PRKCA: variants seen among roughly 807,000 people sequenced by gnomAD.
PRKCA encodes the protein protein kinase C alpha type.
A neutral mutation model predicts 87.0 loss-of-function variants in PRKCA; 27 were observed. The observed-to-expected ratio is 0.31, with a 90% CI of 0.23 to 0.43. The LOEUF (loss-of-function observed/expected upper bound fraction) is 0.43, where lower values mean the gene tolerates loss of function less well. PRKCA is among the 20% of genes least tolerant of loss of function. The pLI is 1.00. For synonymous variants in PRKCA, 329 were observed against 311.1 expected (o/e 1.06, Z -0.61); for missense variants, 518 against 852.3 (o/e 0.61, Z 4.88).
intron 8 of PRKCA, among the ~76,000 whole-genome samples, chr17:66,726,615 G>A (rs1006307747): frequency 2.6e-5 from 4 of 152,134 alleles, no homozygotes; most frequent in African/African-American, 9.7e-5. Context: ...GGAGGGAGTG[G>A]TGGGAAATAA....
At chr17:66,763,368 A>G (rs553472240) in intron 13 of PRKCA, among the ~76,000 whole-genome samples, 14 of 152,336 alleles carry the variant, frequency 9.2e-5, no homozygotes, top group African/African-American at 3.4e-4. Flanking sequence ...TGGGTCCCAC[A>G]GTAGCAAGTG....
At chr17:66,633,637 T>G (rs1215194601) in intron 3 of PRKCA, among the ~76,000 whole-genome samples, 2 of 152,164 alleles carry the variant, frequency 1.3e-5, no homozygotes, top group Non-Finnish European at 2.9e-5. Flanking sequence ...CAATGACAGA[T>G]AGTTTGGTCC....
At position 66,337,888 on chromosome 17, in the gene PRKCA, C is replaced by T. The variant is rs183907777; in HGVS notation, c.205+31761C>T. ...AAAGCTTTAGACCATAAACTAATCA[C>T]TTTGTGGCTTTCTATAAGTCAAAAA... On this transcript the variant is annotated intron_variant, in intron 2 of 16. Transcript: ENST00000413366. Among the ~76,000 whole-genome samples the T allele has an allele frequency of 4.8e-3, 731 of 152,134 alleles. 2 individuals carry two copies. The highest frequency in any genetic ancestry group is 7.6e-3 in the Non-Finnish European group (520 of 68,014).
Position 66,747,837 on chromosome 17 carries a change from G to A in PRKCA, c.1524+5077G>A, listed in dbSNP as rs115409704. On this transcript the variant is annotated intron_variant, in intron 13 of 16. Coordinates refer to ENST00000413366, the MANE Select transcript of PRKCA (RefSeq NM_002737.3). ...GAAACCAAGGGTGATCCAGCCACAC[G>A]CAAGCCCCTCCCCAGCACGTGGGCA... Among the ~76,000 whole-genome samples, 528 of 152,294 alleles carry A rather than the reference G, an allele frequency of 3.5e-3. 4 individuals are homozygous for A. Among genetic ancestry groups the A allele is most frequent in the African/African-American group, 0.012 (506 of 41,578 alleles).
intron 14 of PRKCA, among the ~76,000 whole-genome samples, chr17:66,784,897 G>C (rs1975340858): frequency 6.6e-6 from 1 of 152,146 alleles, no homozygotes; most frequent in African/African-American, 2.4e-5. Context: ...GGCCTCTCAG[G>C]CTCCATGTTG....
chr17:66,437,654 C>A (rs1314206672), intron 2 of PRKCA, among the ~76,000 whole-genome samples: 2 of 146,896 alleles, frequency 1.4e-5, no homozygotes, highest in Non-Finnish European at 1.5e-5. Context: ...GAACAGGAAA[C>A]CCTAGAGAAA....
chr17:66,756,192 AAT>A (rs748848925), intron 13 of PRKCA, among the ~76,000 whole-genome samples: 3 of 152,186 alleles, frequency 2.0e-5, no homozygotes, highest in Non-Finnish European at 2.9e-5. Context: ...ACCATTGTGA[AAT>A]ATGCCAGAGC....
chr17:66,716,381 A>G (rs1430767708), intron 8 of PRKCA, among the ~76,000 whole-genome samples: 6 of 152,120 alleles, frequency 3.9e-5, no homozygotes, highest in Non-Finnish European at 5.9e-5. Context: ...ATGCTATGTC[A>G]TGGCTGTTGC....
Position 66,361,258 on chromosome 17 carries a change from G to A in PRKCA, c.205+55131G>A, listed in dbSNP as rs189913187. On this transcript the variant is annotated intron_variant, in intron 2 of 16. Transcript: ENST00000413366. ...TCCTTTTTCGGTCTTGACACTGCACGTACCAGATCAGTTGATCTCTCTCCT... is the reference window on the plus strand; with the variant it reads ...TCCTTTTTCGGTCTTGACACTGCACATACCAGATCAGTTGATCTCTCTCCT... Among the ~76,000 whole-genome samples, 42 of 151,750 alleles carry A rather than the reference G, an allele frequency of 2.8e-4. No homozygotes were observed. The East Asian group carries it at 3.7e-3, about 13-fold the overall frequency.
At chr17:66,309,169 T>C (rs1567764802) in intron 2 of PRKCA, among the ~76,000 whole-genome samples, 1 of 152,222 alleles carries the variant, frequency 6.6e-6, no homozygotes, top group African/African-American at 2.4e-5. Flanking sequence ...GTGACTCACA[T>C]ATTCATGCAG....
intron 8 of PRKCA, among the ~76,000 whole-genome samples, chr17:66,710,028 T>G (rs1973284849): frequency 6.6e-6 from 1 of 152,176 alleles, no homozygotes; most frequent in Non-Finnish European, 1.5e-5. Context: ...AACTGGCCGA[T>G]AGCAAAACAC....
rs1305601236 is a variant in PRKCA at position 66,502,832 on chromosome 17, T to C, written c.288+6549T>C. 2.6e-5 allele frequency among the ~76,000 whole-genome samples: 4 copies of C among 152,018 alleles called. No homozygotes were observed. In the East Asian group the frequency reaches 7.7e-4, roughly 29 times the overall value. On this transcript the variant is annotated intron_variant, in intron 3 of 16. Transcript: ENST00000413366. ...ACCACACCTGGCTAATTTTTTTTTTTGTATTTTTAGTAGAGACAGGGTTTC... is the reference window on the plus strand; with the variant it reads ...ACCACACCTGGCTAATTTTTTTTTTCGTATTTTTAGTAGAGACAGGGTTTC...
intron 2 of PRKCA, among the ~76,000 whole-genome samples, chr17:66,334,292 A>T (rs1014105066): frequency 6.6e-6 from 1 of 152,190 alleles, no homozygotes; most frequent in Non-Finnish European, 1.5e-5. Context: ...GTAATATAGT[A>T]TAAAAAAGAA....
chr17:66,765,985 C>T lies in PRKCA; in HGVS notation c.1525-8002C>T, dbSNP rs140696339. Among the ~76,000 whole-genome samples, 18 of 152,288 alleles carry T rather than the reference C, an allele frequency of 1.2e-4. No homozygotes were observed. The East Asian group carries it at 2.7e-3, about 23-fold the overall frequency. ...GGTACACAACAAGCCAAAGGTGACA[C>T]GTTTCTCTGGGAAAAAATGCTCTGG... On this transcript the variant is annotated intron_variant, in intron 13 of 16. Transcript: ENST00000413366.
intron 6 of PRKCA, 51 bp from the exon 7 acceptor site, chr17:66,688,251 A>G (rs915623851): frequency 6.2e-7 from 1 of 1,604,062 alleles, no homozygotes; most frequent in East Asian, 2.2e-5. Context: ...GTATCTCCCA[A>G]GAAACCATGA....
chr17:66,368,944 C>T (rs184477922), intron 2 of PRKCA, among the ~76,000 whole-genome samples: 136 of 152,268 alleles, frequency 8.9e-4, no homozygotes, highest in Non-Finnish European at 1.6e-3. Context: ...CTTTTAGTTT[C>T]GTAATCTGTA....
At chr17:66,394,819 T>C (rs1910567590) in intron 2 of PRKCA, among the ~76,000 whole-genome samples, 1 of 152,196 alleles carries the variant, frequency 6.6e-6, no homozygotes, top group African/African-American at 2.4e-5. Flanking sequence ...TGCTGGGCTC[T>C]TCTCCTTCCT....
intron 13 of PRKCA, among the ~76,000 whole-genome samples, chr17:66,745,660 A>G (rs1598912702): frequency 1.3e-5 from 2 of 152,216 alleles, no homozygotes; most frequent in East Asian, 1.9e-4. Flanking sequence ...CAGCCTGGGC[A>G]ACGGAGTGAG....
intron 2 of PRKCA, among the ~76,000 whole-genome samples, chr17:66,474,180 A>C (rs1915442931): frequency 6.6e-6 from 1 of 151,892 alleles, no homozygotes; most frequent in South Asian, 2.1e-4. Context: ...AACATTATAC[A>C]ATTTAACCTA....
Sources: gnomAD v4.1 joint callset for allele counts (sites outside exome capture counted in the v4.1 genomes callset) on GRCh38, gnomAD v4.1.1 for gene constraint, MANE v1.5 for transcripts, NCBI Gene and HGNC (gene_info 2026-07-23, HGNC 2026-07-21) for gene names.